BTG4: variants seen among roughly 807,000 people sequenced by gnomAD.
BTG4 encodes the protein protein BTG4.
Under a neutral mutation model 19.3 loss-of-function variants are expected in BTG4, and 10 were observed. That is an observed-to-expected ratio of 0.52 (90% CI 0.32 to 0.88). The LOEUF is 0.88. BTG4 is among the 40% of genes least tolerant of loss of function. The pLI is 0.04. For synonymous variants in BTG4, 91 were observed against 95.7 expected (o/e 0.95, Z 0.29); for missense variants, 238 against 281.9 (o/e 0.84, Z 1.11).
the BTG4 span, among the ~76,000 whole-genome samples, chr11:111,398,924 G>A: frequency 2.6e-5 from 4 of 152,102 alleles, no homozygotes; most frequent in Non-Finnish European, 4.4e-5. Flanking sequence ...TTCCTGTAAA[G>A]GTCTAATATT....
chr11:111,429,908 C>CTT, the BTG4 span, among the ~76,000 whole-genome samples: 72 of 151,496 alleles, frequency 4.8e-4, 1 homozygote, highest in Non-Finnish European at 8.0e-4. Flanking sequence ...ACTCCAGAGG[C>CTT]TTTCCTGAGT....
chr11:111,430,805 A>G, the BTG4 span, among the ~76,000 whole-genome samples: 1 of 152,244 alleles, frequency 6.6e-6, no homozygotes, highest in African/African-American at 2.4e-5. Context: ...CAGAATCAAC[A>G]TTAGAATCTT....
chr11:111,429,113 A>G, the BTG4 span, among the ~76,000 whole-genome samples: 38 of 152,342 alleles, frequency 2.5e-4, no homozygotes, highest in African/African-American at 8.9e-4. Context: ...GACTTCCAGG[A>G]TAGTTCCAAT....
At chr11:111,434,413 G>C in the BTG4 span, among the ~76,000 whole-genome samples, 1 of 152,164 alleles carries the variant, frequency 6.6e-6, no homozygotes, top group Admixed American at 6.5e-5. Flanking sequence ...GGAGGGCTCG[G>C]GGAGGGATAG....
the BTG4 span, among the ~76,000 whole-genome samples, chr11:111,434,809 T>C: frequency 6.6e-6 from 1 of 151,866 alleles, no homozygotes; most frequent in East Asian, 1.9e-4. Context: ...GGACCACCCA[T>C]CCAGGAAGAA....
downstream of BTG4, among the ~76,000 whole-genome samples, chr11:111,490,215 G>A (rs7113824): frequency 0.34 from 52,040 of 151,654 alleles, 9,100 homozygotes; most frequent in Middle Eastern, 0.4. Context: ...AGAGGTTGCA[G>A]GGAGCTGAGA....
the BTG4 span, chr11:111,385,164 A>T: frequency 6.6e-6 from 1 of 152,160 alleles, no homozygotes; most frequent in African/African-American, 2.4e-5. Flanking sequence ...GATGTGTTAA[A>T]CATTCTGTTT....
the BTG4 span, chr11:111,454,434 G>A: frequency 7.5e-4 from 303 of 401,962 alleles, no homozygotes; most frequent in Non-Finnish European, 1.3e-3. Context: ...TCCTCTTCAG[G>A]AGAGTTGGTT....
At chr11:111,396,903 T>G in the BTG4 span, 1 of 152,226 alleles carries the variant, frequency 6.6e-6, no homozygotes, top group African/African-American at 2.4e-5. Flanking sequence ...GAGTGTTTCA[T>G]ACTGTGGTTT....
downstream of BTG4, among the ~76,000 whole-genome samples, chr11:111,462,666 G>A (rs1400700205): frequency 1.3e-5 from 2 of 152,194 alleles, no homozygotes; most frequent in African/African-American, 4.8e-5. Flanking sequence ...CCTTTTCTCT[G>A]CCATTTGCAG....
intron 4 of BTG4, among the ~76,000 whole-genome samples, chr11:111,496,069 T>C (rs1865710557): frequency 6.6e-6 from 1 of 152,156 alleles, no homozygotes; most frequent in African/African-American, 2.4e-5. Context: ...CCTACAATAA[T>C]ACATTAGAAC....
chr11:111,454,328 A>T, the BTG4 span: 1 of 456,172 alleles, frequency 2.2e-6, no homozygotes, highest in Non-Finnish European at 4.4e-6. Flanking sequence ...TCTGTCAGTG[A>T]CAGCCAAACT....
At chr11:111,407,039 A>C in the BTG4 span, among the ~76,000 whole-genome samples, 1 of 152,132 alleles carries the variant, frequency 6.6e-6, no homozygotes, top group Non-Finnish European at 1.5e-5. Context: ...GAAAGGATTA[A>C]GTGAATTAAT....
chr11:111,402,963 A>G, the BTG4 span, among the ~76,000 whole-genome samples: 1 of 152,204 alleles, frequency 6.6e-6, no homozygotes, highest in Admixed American at 6.5e-5. Context: ...GGAACTGATC[A>G]CCGCTTTGCA....
At chr11:111,491,441 G>A (rs1391628237), downstream of BTG4, among the ~76,000 whole-genome samples, 1 of 152,096 alleles carries the variant, frequency 6.6e-6, no homozygotes, top group African/African-American at 2.4e-5. Context: ...ATTACCTCAA[G>A]ATAAAAATTT....
the BTG4 span, chr11:111,451,380 C>T: frequency 1.1e-5 from 5 of 452,896 alleles, no homozygotes; most frequent in South Asian, 4.7e-5. Context: ...TTATGTCTTT[C>T]GTCTGAGCAG....
the BTG4 span, among the ~76,000 whole-genome samples, chr11:111,396,347 T>C: frequency 6.6e-6 from 1 of 152,218 alleles, no homozygotes; most frequent in Non-Finnish European, 1.5e-5. Flanking sequence ...CAGCACTCCC[T>C]GTCCCCTCTG....
chr11:111,478,657 A>T (rs925730775), intron 5 of BTG4, among the ~76,000 whole-genome samples: 1 of 152,186 alleles, frequency 6.6e-6, no homozygotes, highest in African/African-American at 2.4e-5. Flanking sequence ...GTAAAGTCAC[A>T]GCAAAAAAAT....
the BTG4 span, chr11:111,455,721 C>T: frequency 4.7e-6 from 2 of 428,060 alleles, no homozygotes; most frequent in Non-Finnish European, 9.7e-6. Flanking sequence ...ACAAAACGTC[C>T]TTTTCCCACC....
Sources: gnomAD v4.1 joint callset for allele counts (sites outside exome capture counted in the v4.1 genomes callset) on GRCh38, gnomAD v4.1.1 for gene constraint, MANE v1.5 for transcripts, NCBI Gene and HGNC (gene_info 2026-07-23, HGNC 2026-07-21) for gene names.